Variants in DSCAM observed in about 807,000 individuals in gnomAD.
The protein encoded by DSCAM is DS cell adhesion molecule.
In DSCAM, 47 loss-of-function variants were observed where a neutral mutation model predicts 217.7. The ratio of observed to expected loss-of-function variants is 0.22; its 90% CI spans 0.17 to 0.28. DSCAM has a LOEUF of 0.28. Ranked by LOEUF, DSCAM falls within the 10% of genes least tolerant of loss-of-function variation. DSCAM has a pLI of 1.00. For missense variants in DSCAM, 2,080 were observed against 2,618.3 expected, an observed-to-expected ratio of 0.79 and a Z score of 4.49; for synonymous variants, 1,056 against 1,015.3, an observed-to-expected ratio of 1.04 and a Z score of -0.76.
Position 40,532,923 on chromosome 21 carries a change from C to T in DSCAM, c.508+159887G>A, listed in dbSNP as rs543019769. ...GTGTGTGTGTGTGCACACGCACGCG[C>T]ATGTGCGCATATGTGCTTTTGGGCA... is the stretch of plus-strand genomic sequence containing the variant. On this transcript the variant is annotated intron_variant, in intron 3 of 32. Coordinates refer to ENST00000400454, the MANE Select transcript of DSCAM (RefSeq NM_001389.5). 5.4e-4 allele frequency among the ~76,000 whole-genome samples: 81 copies of T among 148,910 alleles called. 1 individual carries two copies. The South Asian group carries it at 0.016, about 30-fold the overall frequency.
At chr21:40,438,672 G>A (rs2075604756) in intron 3 of DSCAM, among the ~76,000 whole-genome samples, 1 of 152,152 alleles carries the variant, frequency 6.6e-6, no homozygotes, top group South Asian at 2.1e-4. Flanking sequence ...GCTTTCTTTT[G>A]ATGCTAACAA....
At chr21:40,176,328 G>A (rs2090730384) in intron 15 of DSCAM, among the ~76,000 whole-genome samples, 1 of 151,998 alleles carries the variant, frequency 6.6e-6, no homozygotes, top group South Asian at 2.1e-4. Flanking sequence ...TAGCATTGGG[G>A]GGCATCCTCG....
intron 20 of DSCAM, 68 bp from the exon 21 acceptor site, chr21:40,093,942 A>T: frequency 2.0e-6 from 3 of 1,530,462 alleles, no homozygotes; most frequent in Non-Finnish European, 2.7e-6. Flanking sequence ...TTCCCGAAGG[A>T]ATGGTCATGA....
rs374104764 is a variant in DSCAM at position 40,287,509 on chromosome 21, A to G, written c.2182+8546T>C. 2.0e-4 allele frequency among the ~76,000 whole-genome samples: 30 copies of G among 152,302 alleles called. No individual in the cohort carries two copies. The South Asian group carries it at 6.0e-3, about 30-fold the overall frequency. On this transcript the variant is annotated intron_variant, in intron 10 of 32. Coordinates refer to ENST00000400454, the MANE Select transcript of DSCAM (RefSeq NM_001389.5). Reference sequence around the variant, plus strand: ...CCTTTCCAGGGCATGCCCCTAAAGTAGGAGGGGACTCCAGAGAGGGTCACC... The same window carrying G: ...CCTTTCCAGGGCATGCCCCTAAAGTGGGAGGGGACTCCAGAGAGGGTCACC...
At chr21:40,674,626 C>CTTT (rs869239926) in intron 3 of DSCAM, among the ~76,000 whole-genome samples, 72 of 105,856 alleles carry the variant, frequency 6.8e-4, no homozygotes, top group African/African-American at 1.4e-3. Flanking sequence ...TTTTCTTTTT[C>CTTT]TTTTTCTTTT....
chr21:40,355,386 G>A (rs1034525246), intron 4 of DSCAM, among the ~76,000 whole-genome samples: 1 of 152,154 alleles, frequency 6.6e-6, no homozygotes, highest in Admixed American at 6.5e-5. Flanking sequence ...TTCCTGTTCT[G>A]TGACATCATC....
chr21:40,665,579 A>T (rs2090190239), intron 3 of DSCAM, among the ~76,000 whole-genome samples: 1 of 152,122 alleles, frequency 6.6e-6, no homozygotes, highest in Non-Finnish European at 1.5e-5. Flanking sequence ...AATTCCCCGT[A>T]CAGCCCCCAC....
At chr21:40,225,454 T>C (rs986864175) in intron 11 of DSCAM, among the ~76,000 whole-genome samples, 13 of 152,128 alleles carry the variant, frequency 8.5e-5, no homozygotes, top group African/African-American at 4.8e-5. Flanking sequence ...AATTTGTAAT[T>C]TTCCCACCTT....
intron 1 of DSCAM, among the ~76,000 whole-genome samples, chr21:40,831,098 C>T (rs943964148): frequency 7.2e-5 from 11 of 152,190 alleles, no homozygotes; most frequent in Non-Finnish European, 1.5e-4. Flanking sequence ...GGCAATAAAC[C>T]GAGTTCCACC....
intron 1 of DSCAM, among the ~76,000 whole-genome samples, chr21:40,732,868 C>CTAT (rs1394264060): frequency 6.6e-6 from 1 of 152,190 alleles, no homozygotes; most frequent in Non-Finnish European, 1.5e-5. Flanking sequence ...TGATCACTTG[C>CTAT]TATTTTTTCT....
intron 1 of DSCAM, among the ~76,000 whole-genome samples, chr21:40,780,374 G>A (rs1349407606): frequency 7.1e-6 from 1 of 141,012 alleles, no homozygotes; most frequent in African/African-American, 2.6e-5. Context: ...ATAATTTTGT[G>A]CCTCACCTAT....
chr21:40,798,583 G>A (rs1454566252), intron 1 of DSCAM, among the ~76,000 whole-genome samples: 1 of 152,044 alleles, frequency 6.6e-6, no homozygotes, highest in African/African-American at 2.4e-5. Context: ...ATCTACAGTA[G>A]AGGATCAGCT....
At chr21:40,619,987 AAG>A (rs1310106205) in intron 3 of DSCAM, among the ~76,000 whole-genome samples, 1 of 144,964 alleles carries the variant, frequency 6.9e-6, no homozygotes, top group Admixed American at 6.8e-5. Context: ...AAGAAAAAGA[AAG>A]AGAGAGAGAA....
intron 3 of DSCAM, among the ~76,000 whole-genome samples, chr21:40,509,572 T>C (rs2076241943): frequency 6.6e-6 from 1 of 152,190 alleles, no homozygotes; most frequent in Non-Finnish European, 1.5e-5. Context: ...AATGCCAATA[T>C]GCAGTGGGTT....
chr21:40,077,653 T>C (rs1032141256), intron 26 of DSCAM, among the ~76,000 whole-genome samples: 2 of 152,214 alleles, frequency 1.3e-5, no homozygotes, highest in Non-Finnish European at 2.9e-5. Context: ...CCCTCAGTTA[T>C]GAGTGACTTC....
intron 3 of DSCAM, among the ~76,000 whole-genome samples, chr21:40,622,457 C>A (rs540251653): frequency 2.6e-5 from 4 of 152,046 alleles, no homozygotes; most frequent in Non-Finnish European, 5.9e-5. Context: ...CCCTCCCCAC[C>A]GACACCATTC....
chr21:40,552,351 C>A (rs954587768), intron 3 of DSCAM, among the ~76,000 whole-genome samples: 5 of 152,134 alleles, frequency 3.3e-5, no homozygotes, highest in African/African-American at 1.2e-4. Flanking sequence ...CTAGACCCTT[C>A]CAATGAATGA....
chr21:40,301,605 T>C (rs1214922960), intron 9 of DSCAM, among the ~76,000 whole-genome samples: 2 of 152,210 alleles, frequency 1.3e-5, no homozygotes, highest in Non-Finnish European at 2.9e-5. Context: ...TAGCCTTTAT[T>C]ACGCTCATCT....
intron 27 of DSCAM, among the ~76,000 whole-genome samples, chr21:40,064,247 A>G (rs556540443): frequency 6.6e-6 from 1 of 152,204 alleles, no homozygotes; most frequent in South Asian, 2.1e-4. Flanking sequence ...TGAACTACCA[A>G]GCAGTGGCTG....
Sources: gnomAD v4.1 joint callset for allele counts (sites outside exome capture counted in the v4.1 genomes callset) on GRCh38, gnomAD v4.1.1 for gene constraint, MANE v1.5 for transcripts, NCBI Gene and HGNC (gene_info 2026-07-23, HGNC 2026-07-21) for gene names.